The following ROBO1 variants were observed in gnomAD, a reference collection of about 807,000 sequenced individuals.
ROBO1 encodes the protein roundabout homolog 1.
A neutral mutation model predicts 195.9 loss-of-function variants in ROBO1; 149 were observed. The observed-to-expected ratio is 0.76, with a 90% confidence interval of 0.67 to 0.87. The LOEUF (loss-of-function observed/expected upper bound fraction) is 0.87, where lower values mean the gene tolerates loss of function less well. ROBO1 is among the 40% of genes least tolerant of loss of function. ROBO1 has a pLI of 0.00. For missense variants in ROBO1, 1,933 were observed against 2,068.3 expected (o/e 0.93, Z 1.27); for synonymous variants, 816 against 733.2 (o/e 1.11, Z -1.82).
At chr3:79,175,885 A>C (rs1208327300) in intron 2 of ROBO1, among the ~76,000 whole-genome samples, 2 of 152,220 alleles carry the variant, frequency 1.3e-5, no homozygotes, top group South Asian at 4.1e-4. Flanking sequence ...ATGTTGTATG[A>C]ATTGTATAAC....
At chr3:79,713,147 A>G (rs1004578817) in intron 1 of ROBO1, among the ~76,000 whole-genome samples, 2 of 151,670 alleles carry the variant, frequency 1.3e-5, no homozygotes, top group African/African-American at 4.8e-5. Flanking sequence ...TTTTCAAAAT[A>G]CTGCTCATTA....
chr3:78,604,992 C>G (rs1703383197), intron 29 of ROBO1, among the ~76,000 whole-genome samples: 1 of 152,130 alleles, frequency 6.6e-6, no homozygotes, highest in Non-Finnish European at 1.5e-5. Context: ...AACTCTATCC[C>G]AAGATTTCCT....
chr3:79,522,499 C>A (rs1354364917), intron 2 of ROBO1, among the ~76,000 whole-genome samples: 1 of 152,154 alleles, frequency 6.6e-6, no homozygotes, highest in East Asian at 1.9e-4. Flanking sequence ...CTGGAGTCAT[C>A]ATTCCTGTAT....
At chr3:79,090,153 T>C (rs2079450937) in intron 3 of ROBO1, among the ~76,000 whole-genome samples, 1 of 152,066 alleles carries the variant, frequency 6.6e-6, no homozygotes, top group Non-Finnish European at 1.5e-5. Flanking sequence ...TTGGCCAGGC[T>C]GGTCTCGAAC....
At chr3:79,613,368 T>C (rs1250808738) in intron 1 of ROBO1, among the ~76,000 whole-genome samples, 1 of 152,018 alleles carries the variant, frequency 6.6e-6, no homozygotes, top group African/African-American at 2.4e-5. Flanking sequence ...ATCTTTTAAA[T>C]TCTTGAGCAA....
chr3:79,195,849 T>C (rs1464578174), intron 2 of ROBO1, among the ~76,000 whole-genome samples: 1 of 151,478 alleles, frequency 6.6e-6, no homozygotes, highest in Non-Finnish European at 1.5e-5. Flanking sequence ...CCTTCCCTTA[T>C]AGTTTATTTA....
At chr3:78,869,746 G>T (rs564839090) in intron 4 of ROBO1, among the ~76,000 whole-genome samples, 15 of 152,086 alleles carry the variant, frequency 9.9e-5, no homozygotes, top group East Asian at 1.9e-4. Flanking sequence ...TACATGGGCC[G>T]CCACCCCTGG....
intron 2 of ROBO1, among the ~76,000 whole-genome samples, chr3:79,404,332 T>A (rs1324671965): frequency 7.9e-5 from 12 of 152,128 alleles, no homozygotes; most frequent in Non-Finnish European, 1.5e-5. Flanking sequence ...GGGACAGTTA[T>A]GGGTAAAAAT....
Position 79,550,237 on chromosome 3 carries a change from A to G in ROBO1, c.88+39587T>C, listed in dbSNP as rs374057985. On this transcript the variant is annotated intron_variant, in intron 2 of 30. Coordinates refer to ENST00000464233, the MANE Select transcript of ROBO1 (RefSeq NM_002941.4). ...AAAAGAAAAGAAAAGAAAAGAAAAG[A>G]AAAGAAAAGGGGATCTTAAAGTTAA... 1.1e-3 allele frequency among the ~76,000 whole-genome samples: 155 copies of G among 135,116 alleles called. 3 individuals are homozygous for G. Among genetic ancestry groups the G allele is most frequent in the Non-Finnish European group, 1.7e-3 (100 of 58,570 alleles). The allele number at this position is 135,116 out of a possible 152,430, so 88.6% of individuals were successfully genotyped here.
intron 18 of ROBO1, among the ~76,000 whole-genome samples, chr3:78,654,005 A>G (rs1042098334): frequency 6.6e-6 from 1 of 152,268 alleles, no homozygotes; most frequent in African/African-American, 2.4e-5. Context: ...AATTCTGCTA[A>G]TACAATCTGC....
intron 2 of ROBO1, among the ~76,000 whole-genome samples, chr3:79,215,022 T>C (rs1045811692): frequency 2.6e-5 from 4 of 152,024 alleles, no homozygotes; most frequent in African/African-American, 9.7e-5. Context: ...GTAAAAAGTT[T>C]TGCCAAACGC....
chr3:78,965,702 T>A (rs1264717780), intron 3 of ROBO1, among the ~76,000 whole-genome samples: 4 of 152,176 alleles, frequency 2.6e-5, no homozygotes, highest in Non-Finnish European at 5.9e-5. Flanking sequence ...AGAAAATGTC[T>A]GCTTCTACAT....
chr3:78,713,717 G>T (rs1231245999), intron 8 of ROBO1, among the ~76,000 whole-genome samples: 1 of 152,114 alleles, frequency 6.6e-6, no homozygotes, highest in Non-Finnish European at 1.5e-5. Flanking sequence ...CCTCCTATCA[G>T]CTTAAGACGT....
intron 5 of ROBO1, among the ~76,000 whole-genome samples, chr3:78,727,546 A>AC (rs913202512): frequency 8.5e-5 from 13 of 152,270 alleles, no homozygotes; most frequent in African/African-American, 3.1e-4. Flanking sequence ...AATGGCGTGA[A>AC]CCCAGGAGGC....
intron 5 of ROBO1, among the ~76,000 whole-genome samples, chr3:78,732,734 T>C (rs2082311289): frequency 6.6e-6 from 1 of 152,120 alleles, no homozygotes. Flanking sequence ...CTTAGTAAAT[T>C]GTACTCTATC....
chr3:79,454,804 T>C (rs1013225554), intron 2 of ROBO1, among the ~76,000 whole-genome samples: 10 of 152,122 alleles, frequency 6.6e-5, no homozygotes, highest in African/African-American at 2.4e-4. Flanking sequence ...AATCTTCAAC[T>C]AAAACACATA....
intron 1 of ROBO1, among the ~76,000 whole-genome samples, chr3:79,627,548 G>T (rs1315333993): frequency 6.6e-6 from 1 of 152,048 alleles, no homozygotes; most frequent in African/African-American, 2.4e-5. Context: ...CATAAAAATT[G>T]TAGAGGAAAA....
Position 79,589,852 on chromosome 3 carries a change from AT to A in ROBO1, c.59del (p.Asn20IlefsTer15). On this transcript the variant is annotated frameshift_variant, in exon 2 of 31. Transcript: ENST00000464233. LOFTEE classifies it high-confidence loss of function. Reference protein sequence around the residue: ...VMISLLSLSPNHLFLAQLIPD... With the variant: ...VMISLLSLSPXHLFLAQLIPD... ...GAATAAGCTGGGCCAGAAACAGGTG[AT>A]TTGGGGATAAGCTGAGGAGTGATAT... 2 of 1,611,152 alleles carry A rather than the reference AT, an allele frequency of 1.2e-6. No homozygotes were observed. Among genetic ancestry groups the A allele is most frequent in the Non-Finnish European group, 1.7e-6 (2 of 1,177,956 alleles).
At chr3:79,116,284 C>A (rs1370808208) in intron 3 of ROBO1, among the ~76,000 whole-genome samples, 1 of 150,314 alleles carries the variant, frequency 6.7e-6, no homozygotes, top group Non-Finnish European at 1.5e-5. Context: ...CCTTTCTTTT[C>A]TTTCTTTCTC....
Sources: allele counts gnomAD v4.1 joint callset (sites outside exome capture counted in the v4.1 genomes callset), GRCh38; gene constraint gnomAD v4.1.1; transcripts MANE v1.5; gene names NCBI Gene and HGNC (gene_info 2026-07-23, HGNC 2026-07-21).